Variants in ARID1B observed in about 807,000 individuals in gnomAD.
ARID1B encodes AT-rich interactive domain-containing protein 1B.
ARID1B carries 30 observed loss-of-function variants against 212.3 expected under a neutral mutation model. The observed-to-expected ratio is 0.14, with a 90% CI of 0.11 to 0.19. The LOEUF (loss-of-function observed/expected upper bound fraction) is 0.19. ARID1B is among the 10% of genes least tolerant of loss of function. The pLI, the probability that ARID1B is intolerant of heterozygous loss-of-function variation, is 1.00. For missense variants in ARID1B, 2,891 were observed against 3,204.0 expected, an observed-to-expected ratio of 0.90 and a Z score of 2.36; for synonymous variants, 1,402 against 1,301.7, an observed-to-expected ratio of 1.08 and a Z score of -1.66.
chr6:157,095,546 G>A (rs767860), intron 5 of ARID1B, among the ~76,000 whole-genome samples: 65,208 of 152,030 alleles, frequency 0.43, 14,356 homozygotes, highest in South Asian at 0.61. Context: ...CTCCATGGGC[G>A]TGCCTGAGAA....
chr6:157,210,516 G>A lies in ARID1B; in HGVS notation c.*2625G>A. ...CAGTCTCTAGAGACTAATCCAGGAA[G>A]ACTTTAGCCTCCTTTCCATATTCTC... is the stretch of plus-strand genomic sequence containing the variant. On this transcript the variant is annotated 3_prime_UTR_variant, in exon 20 of 20. Coordinates refer to ENST00000636930, the MANE Select transcript of ARID1B (RefSeq NM_001374828.1). 1 of 232,510 alleles carries A rather than the reference G, an allele frequency of 4.3e-6. No homozygotes were observed. Among genetic ancestry groups the A allele is most frequent in the African/African-American group, 2.2e-5 (1 of 45,400 alleles). 14.4% of individuals were successfully genotyped at this position (232,510 alleles called of 1,614,324 possible).
At chr6:157,204,690 C>A (rs1483041405) in intron 19 of ARID1B, 1 of 152,142 alleles carries the variant, frequency 6.6e-6, no homozygotes, top group Non-Finnish European at 1.5e-5. Flanking sequence ...CAGGTAGCTT[C>A]CAGCATAATA....
At chr6:156,890,989 T>G (rs1012857789) in intron 2 of ARID1B, among the ~76,000 whole-genome samples, 2 of 152,196 alleles carry the variant, frequency 1.3e-5, no homozygotes, top group Non-Finnish European at 2.9e-5. Context: ...CTAAGCTGTT[T>G]AGGAGTCTCA....
intron 7 of ARID1B, among the ~76,000 whole-genome samples, chr6:157,139,482 C>T (rs941980986): frequency 2.6e-4 from 39 of 152,296 alleles, no homozygotes; most frequent in African/African-American, 8.7e-4. Context: ...TAGCGGCAGC[C>T]GATCGGGACC....
At chr6:157,036,187 C>G (rs1205554907) in intron 4 of ARID1B, 1 of 152,218 alleles carries the variant, frequency 6.6e-6, no homozygotes, top group Non-Finnish European at 1.5e-5. Flanking sequence ...GTTTAAAAAA[C>G]AGTAATTATC....
intron 3 of ARID1B, among the ~76,000 whole-genome samples, chr6:156,918,699 C>T (rs183668984): frequency 3.2e-4 from 49 of 152,250 alleles, no homozygotes; most frequent in African/African-American, 1.1e-3. Context: ...AGTGGCTGAG[C>T]AAGGCCTATT....
intron 4 of ARID1B, among the ~76,000 whole-genome samples, chr6:157,068,959 A>G (rs150628194): frequency 0.015 from 2,247 of 152,314 alleles, 54 homozygotes; most frequent in African/African-American, 0.051. Context: ...GAATAGGAGT[A>G]AATGTCTACT....
intron 10 of ARID1B, 198 bp downstream of exon 10, chr6:157,174,315 T>A: frequency 3.8e-6 from 2 of 529,264 alleles, no homozygotes; most frequent in Non-Finnish European, 6.7e-6. Context: ...TACTAGTTCT[T>A]ATGGCATTAA....
rs545979452 is a variant in ARID1B at position 156,836,282 on chromosome 6, C to G, written c.1986+6861C>G. ...ATTAAGAAAATCCCCCCACGGATGC[C>G]CAAGGATGCCCATATCAATGACACC... is the stretch of plus-strand genomic sequence containing the variant. On this transcript the variant is annotated intron_variant, in intron 2 of 19. Transcript: ENST00000636930. Among the ~76,000 whole-genome samples, 299 of 152,202 alleles carry G rather than the reference C, an allele frequency of 2.0e-3. 1 individual carries two copies. Among genetic ancestry groups the G allele is most frequent in the Admixed American group, 3.5e-3 (53 of 15,298 alleles).
chr6:157,165,281 T>C (rs17165202), intron 8 of ARID1B, among the ~76,000 whole-genome samples: 20,549 of 152,176 alleles, frequency 0.14, 1,647 homozygotes, highest in African/African-American at 0.23. Context: ...CAAAGTGGAC[T>C]GTCAGGAAGC....
intron 4 of ARID1B, among the ~76,000 whole-genome samples, chr6:157,034,840 G>A (rs895698133): frequency 6.6e-6 from 1 of 152,060 alleles, no homozygotes; most frequent in Non-Finnish European, 1.5e-5. Context: ...CTTGAACTAG[G>A]GTACATATAT....
In ARID1B at chr6:156,779,038, C is replaced by G; in HGVS notation, c.1358C>G (p.Ser453Cys). Residue 453 changes from serine (S) to cysteine (C), a missense_variant, in exon 1 of 20, where the codon TCC (serine) becomes TGC (cysteine). Ser to Cys is a moderately radical substitution (Grantham distance 112, BLOSUM62 -1). Transcript: ENST00000636930. ...TCCGCGGGGTACGGGGTGCTGAGCT[C>G]CCCCCGGCAGCAGGGCGGCGGCATG... ...GSSAGYGVLSSPRQQGGGMMM... is the reference protein window; with the variant it reads ...GSSAGYGVLSCPRQQGGGMMM... 1.6e-6 allele frequency: 2 copies of G among 1,223,272 alleles called. No individual in the cohort carries two copies. Among genetic ancestry groups the G allele is most frequent in the African/African-American group, 3.3e-5 (2 of 61,202 alleles). The allele number at this position is 1,223,272 out of a possible 1,614,324, so 75.8% of individuals were successfully genotyped here.
chr6:157,140,281 G>A (rs1180704611), intron 7 of ARID1B, among the ~76,000 whole-genome samples: 1 of 151,964 alleles, frequency 6.6e-6, no homozygotes, highest in East Asian at 1.9e-4. Flanking sequence ...ACCAGCCTGG[G>A]CAACACAGTG....
intron 16 of ARID1B, among the ~76,000 whole-genome samples, chr6:157,196,683 C>T (rs1010589710): frequency 4.6e-5 from 7 of 152,212 alleles, no homozygotes; most frequent in African/African-American, 1.4e-4. Context: ...TGGGCCTCCA[C>T]AGCACCCGCT....
chr6:156,778,744 C>A lies in ARID1B; in HGVS notation c.1064C>A (p.Ala355Asp). 6.6e-7 allele frequency: 1 copy of A among 1,525,676 alleles called. No individual in the cohort carries two copies. Among genetic ancestry groups the A allele is most frequent in the South Asian group, 1.2e-5 (1 of 81,992 alleles). The allele number at this position is 1,525,676 out of a possible 1,614,324, so 94.5% of individuals were successfully genotyped here. The part of the protein sequence containing the change: ...GMGMMHSASA[A>D]AAGAPGSMDP... ...GGGATGATGCACTCCGCCTCCGCCG[C>A]CGCCGCCGGGGCCCCCGGCAGCATG... The change falls in exon 1 of 20, where the codon GCC (alanine) becomes GAC (aspartate). Residue 355 changes from alanine (A) to aspartate (D), a missense_variant. Around this residue, in one of 7 missense-constraint regions of ARID1B, gnomAD observed 1,643 missense variants for 1,544.0 expected, o/e 1.06. Coordinates refer to ENST00000636930, the MANE Select transcript of ARID1B (RefSeq NM_001374828.1).
intron 6 of ARID1B, among the ~76,000 whole-genome samples, chr6:157,122,566 G>C (rs574630796): frequency 1.3e-5 from 2 of 152,248 alleles, no homozygotes; most frequent in Admixed American, 6.5e-5. Context: ...GTGGAAACGC[G>C]CTTGCCCGGG....
chr6:157,010,288 T>G lies in ARID1B; in HGVS notation c.2248-74374T>G, dbSNP rs879716109. On this transcript the variant is annotated intron_variant, in intron 4 of 19. Coordinates refer to ENST00000636930, the MANE Select transcript of ARID1B (RefSeq NM_001374828.1). ...ATTTATGCATTGCCTGTTTTTTTTTTTTTTTTTTTTTTTTTTGTTGTTGTT... is the reference window on the plus strand; with the variant it reads ...ATTTATGCATTGCCTGTTTTTTTTTGTTTTTTTTTTTTTTTTGTTGTTGTT... 5.4e-3 allele frequency among the ~76,000 whole-genome samples: 784 copies of G among 145,152 alleles called. 17 individuals carry two copies. Among genetic ancestry groups the G allele is most frequent in the African/African-American group, 0.019 (752 of 38,596 alleles).
In ARID1B at chr6:157,207,455, T is replaced by C; in HGVS notation, c.6683T>C (p.Phe2228Ser). Reference sequence around the variant, plus strand: ...GACCTGATCTTGGCCACTCCTCCATTTAGTCGTCAGGAGAAATTCTATGCT... The same window carrying C: ...GACCTGATCTTGGCCACTCCTCCATCTAGTCGTCAGGAGAAATTCTATGCT... The part of the protein sequence containing the change: ...NVDLILATPP[F>S]SRQEKFYATL... Residue 2228 changes from phenylalanine to serine, a missense_variant, in exon 20 of 20, where the codon TTT becomes TCT. Transcript: ENST00000636930. The surrounding 1 kb of genome is among the most constrained non-coding windows in gnomAD (Gnocchi z 8.5). 6.2e-7 allele frequency: 1 copy of C among 1,614,138 alleles called. No individual in the cohort carries two copies. The highest frequency in any genetic ancestry group is 8.5e-7 in the Non-Finnish European group (1 of 1,180,004).
intron 4 of ARID1B, among the ~76,000 whole-genome samples, chr6:157,032,885 T>C (rs1286680399): frequency 6.6e-6 from 1 of 152,140 alleles, no homozygotes; most frequent in Non-Finnish European, 1.5e-5. Flanking sequence ...TCTTTTTACT[T>C]AATAGAGTAT....
Sources: gnomAD v4.1 joint callset for allele counts (sites outside exome capture counted in the v4.1 genomes callset) on GRCh38, gnomAD v4.1.1 for gene constraint, gnomAD v4.1.1 regional missense constraint, Gnocchi (gnomAD v3.1) non-coding constraint, MANE v1.5 for transcripts, NCBI Gene and HGNC (gene_info 2026-07-23, HGNC 2026-07-21) for gene names.